The following ITGB6 variants were observed in gnomAD, a reference collection of about 807,000 sequenced individuals.
ITGB6 encodes the protein integrin subunit beta 6, also known as integrin beta-6.
ITGB6 carries 80 observed loss-of-function variants against 84.5 expected under a neutral mutation model. The observed-to-expected ratio is 0.95, with a 90% CI of 0.79 to 1.14. The LOEUF is 1.14. Among genes scored for constraint, ITGB6 ranks in the 50% most tolerant of loss-of-function variants. The pLI, the probability that ITGB6 is intolerant of heterozygous loss-of-function variation, is 0.00. For synonymous variants in ITGB6, 383 were observed against 354.9 expected (o/e 1.08, Z -0.89); for missense variants, 1,006 against 968.0 (o/e 1.04, Z -0.52).
Position 160,112,106 on chromosome 2 carries a change from G to A in ITGB6, c.2075C>T (p.Thr692Ile). Residue 692 changes from threonine (T) to isoleucine (I), a missense_variant, in exon 13 of 15, where the codon ACC becomes ATC. Thr to Ile is a moderately conservative substitution (Grantham distance 89). Transcript: ENST00000283249. ...FLITTDNEGK[T>I]IIHSINEKDC... is the part of the protein sequence containing the mutation. ...TTTTTCATTGATGCTGTGAATGATG[G>A]TTTTCCCCTCATTATCTGTAGTTAT... 2 of 1,613,176 alleles carry A rather than the reference G, an allele frequency of 1.2e-6. No individual in the cohort carries two copies. The highest frequency in any genetic ancestry group is 1.7e-6 in the Non-Finnish European group (2 of 1,179,726).
rs187980880 is a variant in ITGB6 at position 160,135,911 on chromosome 2, G to T, written c.1660+1523C>A. 8.8e-3 allele frequency among the ~76,000 whole-genome samples: 1,335 copies of T among 152,228 alleles called. 19 individuals carry two copies. Among genetic ancestry groups the T allele is most frequent in the African/African-American group, 0.03 (1,266 of 41,526 alleles). ...CTTATACTAAAATTAATTCAAGATG[G>T]ATTAAAGATTTAAATATTAGACCTA... On this transcript the variant is annotated intron_variant, in intron 10 of 14. Transcript: ENST00000283249.
At chr2:160,155,825 G>A (rs1335000910) in intron 7 of ITGB6, among the ~76,000 whole-genome samples, 4 of 152,162 alleles carry the variant, frequency 2.6e-5, no homozygotes, top group Non-Finnish European at 5.9e-5. Flanking sequence ...ATAAGTATGT[G>A]AAGTGTTCAA....
chr2:160,180,416 C>T (rs543574143), intron 4 of ITGB6, among the ~76,000 whole-genome samples: 201 of 152,250 alleles, frequency 1.3e-3, no homozygotes, highest in Non-Finnish European at 2.1e-3. Flanking sequence ...CAGGCATGTG[C>T]CACTGCACCT....
At chr2:160,149,390 A>T (rs1175711931) in intron 7 of ITGB6, among the ~76,000 whole-genome samples, 1 of 152,224 alleles carries the variant, frequency 6.6e-6, no homozygotes, top group Admixed American at 6.5e-5. Flanking sequence ...AAACTAACAA[A>T]CAGAAAGGAA....
intron 8 of ITGB6, among the ~76,000 whole-genome samples, chr2:160,139,830 C>T (rs1054379411): frequency 8.5e-5 from 13 of 152,124 alleles, no homozygotes; most frequent in Non-Finnish European, 1.6e-4. Flanking sequence ...GGAACTTATC[C>T]TTGGGATTGC....
At chr2:160,104,285 T>C (rs1466825770) in intron 14 of ITGB6, among the ~76,000 whole-genome samples, 1 of 152,222 alleles carries the variant, frequency 6.6e-6, no homozygotes, top group African/African-American at 2.4e-5. Flanking sequence ...GAGGTCAGGA[T>C]AATGCACTCA....
Position 160,107,722 on chromosome 2 carries a change from A to G in ITGB6, c.2225T>C (p.Val742Ala). The G allele has an allele frequency of 1.9e-6, 3 of 1,614,026 alleles. No individual in the cohort carries two copies. The South Asian group carries it at 3.3e-5, about 18-fold the overall frequency. Residue 742 changes from valine to alanine, a missense_variant, in exon 14 of 15, where the codon GTT becomes GCT. By Grantham distance (64) the Val-to-Ala change is moderately conservative. Coordinates refer to ENST00000283249, the MANE Select transcript of ITGB6 (RefSeq NM_000888.5). The part of the protein sequence containing the change: ...LLVSFHDRKE[V>A]AKFEAERSKA... Reference sequence around the variant, plus strand: ...TGATCGTTCTGCTTCAAATTTGGCAACTTCTTTACGATCATGAAATGACAC... The same window carrying G: ...TGATCGTTCTGCTTCAAATTTGGCAGCTTCTTTACGATCATGAAATGACAC...
chr2:160,106,084 T>C (rs1263870610), intron 14 of ITGB6, among the ~76,000 whole-genome samples: 1 of 152,222 alleles, frequency 6.6e-6, no homozygotes, highest in African/African-American at 2.4e-5. Flanking sequence ...AGCTTTCATT[T>C]CCTTTCACTC....
Position 160,195,379 on chromosome 2 carries a change from T to C in ITGB6, c.583A>G (p.Asn195Asp). The C allele has an allele frequency of 1.2e-6, 2 of 1,614,174 alleles. No individual in the cohort carries two copies. Among genetic ancestry groups the C allele is most frequent in the Non-Finnish European group, 1.7e-6 (2 of 1,179,986 alleles). The change falls in exon 4 of 15, where the codon AAC becomes GAC. Residue 195 changes from asparagine to aspartate, a missense_variant. By Grantham distance (23) the Asn-to-Asp change is conservative. Coordinates refer to ENST00000283249, the MANE Select transcript of ITGB6 (RefSeq NM_000888.5). The stretch of plus-strand genomic sequence containing the variant: ...GAATCATTTACTTACCTGCAAGGGT[T>C]GGCAATTTCTTCTGGTGTTGTTTTC... ...FVKTTPEEIA[N>D]PCSSIPYFCL... is the part of the protein sequence containing the mutation.
intron 10 of ITGB6, among the ~76,000 whole-genome samples, chr2:160,133,532 A>T (rs1449890485): frequency 2.6e-5 from 4 of 152,164 alleles, no homozygotes; most frequent in Non-Finnish European, 2.9e-5. Flanking sequence ...CAGGAATTGA[A>T]CTCAGCTCTG....
intron 7 of ITGB6, among the ~76,000 whole-genome samples, chr2:160,154,033 C>T (rs1684530035): frequency 2.6e-5 from 4 of 152,136 alleles, no homozygotes; most frequent in Non-Finnish European, 5.9e-5. Flanking sequence ...GGTGATTCCC[C>T]AAGGATCTAG....
intron 4 of ITGB6, among the ~76,000 whole-genome samples, chr2:160,194,434 T>C (rs1686256557): frequency 6.6e-6 from 1 of 152,136 alleles, no homozygotes. Context: ...ATTTCATATA[T>C]ACTAGATATA....
chr2:160,107,227 C>T (rs1696945358), intron 14 of ITGB6, among the ~76,000 whole-genome samples: 1 of 152,024 alleles, frequency 6.6e-6, no homozygotes, highest in Non-Finnish European at 1.5e-5. Flanking sequence ...CCTATTATAT[C>T]AGAAACAAGT....
chr2:160,126,938 G>T (rs771143414), intron 10 of ITGB6, among the ~76,000 whole-genome samples: 2 of 152,116 alleles, frequency 1.3e-5, no homozygotes, highest in African/African-American at 4.8e-5. Context: ...TGAAACACTA[G>T]TCCAGGCCGT....
intron 10 of ITGB6, among the ~76,000 whole-genome samples, chr2:160,134,003 A>G (rs1002180107): frequency 2.0e-5 from 3 of 152,224 alleles, no homozygotes; most frequent in Non-Finnish European, 2.9e-5. Context: ...GAACTAGAGA[A>G]GCATGAGCAA....
intron 5 of ITGB6, among the ~76,000 whole-genome samples, chr2:160,173,663 T>A (rs982854745): frequency 1.1e-4 from 16 of 152,232 alleles, no homozygotes; most frequent in Non-Finnish European, 2.2e-4. Context: ...TTGATTTTTT[T>A]ATCATGATTA....
At position 160,100,267 on chromosome 2, in the gene ITGB6, C is replaced by T. The variant is rs561576476; in HGVS notation, c.*1469G>A. ...CCTCCACTACATAATGAACTATTCACCTAGTAAAAGCTTCACATTACAATT... is the reference window on the plus strand; with the variant it reads ...CCTCCACTACATAATGAACTATTCATCTAGTAAAAGCTTCACATTACAATT... On this transcript the variant is annotated 3_prime_UTR_variant, in exon 15 of 15. Coordinates refer to ENST00000283249, the MANE Select transcript of ITGB6 (RefSeq NM_000888.5). 5.3e-5 allele frequency: 8 copies of T among 152,316 alleles called. No individual in the cohort carries two copies. In the South Asian group the frequency reaches 1.0e-3, roughly 20 times the overall value. The allele number at this position is 152,316 out of a possible 1,614,324, so 9.4% of individuals were successfully genotyped here. A position where few individuals can be genotyped will look rare whatever the true frequency, so the allele number is the denominator to read the frequency against.
At chr2:160,163,407 GGATCATTTGA>G (rs1466149075) in intron 7 of ITGB6, among the ~76,000 whole-genome samples, 2 of 152,098 alleles carry the variant, frequency 1.3e-5, no homozygotes, top group Non-Finnish European at 2.9e-5. Context: ...CGAGGTGGGT[GGATCATTTGA>G]GATCAGGAGT....
rs185450421 is a variant in ITGB6, at chr2:160,171,381, C to T, written c.921+1188G>A. Among the ~76,000 whole-genome samples the T allele has an allele frequency of 5.5e-5, 8 of 144,966 alleles. No individual in the cohort carries two copies. In the East Asian group the frequency reaches 1.6e-3, roughly 29 times the overall value. On this transcript the variant is annotated intron_variant, in intron 6 of 14. Coordinates refer to ENST00000283249, the MANE Select transcript of ITGB6 (RefSeq NM_000888.5). ...ACGGAGTCTCGCTCTGTCGCCCAGGCTAGAGTGCAGTGGTGCGATCTTGGC... is the reference window on the plus strand; with the variant it reads ...ACGGAGTCTCGCTCTGTCGCCCAGGTTAGAGTGCAGTGGTGCGATCTTGGC...
Sources: gnomAD v4.1 joint callset for allele counts (sites outside exome capture counted in the v4.1 genomes callset) on GRCh38, gnomAD v4.1.1 for gene constraint, MANE v1.5 for transcripts, NCBI Gene and HGNC (gene_info 2026-07-23, HGNC 2026-07-21) for gene names.